Variants in RFFL observed in about 807,000 individuals in gnomAD.
RFFL encodes the protein ring finger and FYVE like domain containing E3 ubiquitin protein ligase.
A neutral mutation model predicts 40.4 loss-of-function variants in RFFL; 16 were observed. The observed-to-expected ratio is 0.40, with a 90% CI of 0.27 to 0.60. The LOEUF (loss-of-function observed/expected upper bound fraction) is 0.60. Among genes scored for constraint, RFFL ranks in the 20% least tolerant of loss-of-function variants. The pLI is 0.47. For missense variants in RFFL, 367 were observed against 451.7 expected (o/e 0.81, Z 1.70); for synonymous variants, 154 against 167.9 (o/e 0.92, Z 0.64).
At chr17:35,040,029 A>G (rs2091153623) in intron 1 of RFFL, among the ~76,000 whole-genome samples, 1 of 152,084 alleles carries the variant, frequency 6.6e-6, no homozygotes, top group South Asian at 2.1e-4. Flanking sequence ...ATCTAGCTTG[A>G]GCCAACCACC....
upstream of RFFL, among the ~76,000 whole-genome samples, chr17:35,067,271 C>A (rs1197583633): frequency 6.6e-6 from 1 of 151,726 alleles, no homozygotes; most frequent in African/African-American, 2.4e-5. Flanking sequence ...GCGTATGCCA[C>A]CATGTCTGGC....
intron 1 of RFFL, among the ~76,000 whole-genome samples, chr17:35,031,194 C>T (rs2091080734): frequency 6.6e-6 from 1 of 151,964 alleles, no homozygotes; most frequent in Non-Finnish European, 1.5e-5. Context: ...GCAACCTCTG[C>T]CTCCCAGGTT....
intron 1 of RFFL, among the ~76,000 whole-genome samples, chr17:35,083,055 G>A (rs1315972528): frequency 2.0e-5 from 3 of 152,056 alleles, no homozygotes; most frequent in Non-Finnish European, 4.4e-5. Flanking sequence ...TATTTGTTAC[G>A]CACCTATTAT....
chr17:35,061,688 CT>C (rs61100671), intron 1 of RFFL, among the ~76,000 whole-genome samples: 64,104 of 139,992 alleles, frequency 0.46, 16,042 homozygotes, highest in African/African-American at 0.71. Context: ...GTCTCAAACT[CT>C]TTTTTTTTTT....
At chr17:35,074,459 T>C (rs1304896688) in intron 1 of RFFL, 1 of 152,022 alleles carries the variant, frequency 6.6e-6, no homozygotes, top group Non-Finnish European at 1.5e-5. Flanking sequence ...AGCCGACATA[T>C]TTGTAAAGAC....
chr17:35,078,401 C>T (rs1006390540), intron 1 of RFFL, among the ~76,000 whole-genome samples: 1 of 152,178 alleles, frequency 6.6e-6, no homozygotes, highest in Non-Finnish European at 1.5e-5. Context: ...CTCCTGGACT[C>T]AAGCAATCCT....
At chr17:35,031,878 G>A (rs755968508) in intron 1 of RFFL, among the ~76,000 whole-genome samples, 4 of 151,856 alleles carry the variant, frequency 2.6e-5, no homozygotes, top group Non-Finnish European at 1.5e-5. Context: ...GGAGGATCAC[G>A]AGGTCAGGAG....
intron 1 of RFFL, among the ~76,000 whole-genome samples, chr17:35,041,907 C>T (rs1476757077): frequency 6.6e-6 from 1 of 152,034 alleles, no homozygotes; most frequent in Non-Finnish European, 1.5e-5. Flanking sequence ...CCCAGCTACT[C>T]AGGAGGCTAA....
chr17:35,030,658 C>T lies in RFFL; in HGVS notation c.-8-4097G>A, dbSNP rs538155688. 7.6e-4 allele frequency among the ~76,000 whole-genome samples: 116 copies of T among 151,872 alleles called. 6 individuals are homozygous for T. In the South Asian group the frequency reaches 0.024, roughly 31 times the overall value. On this transcript the variant is annotated intron_variant, in intron 1 of 6. Transcript: ENST00000394597. ...TCATATTGCCCAGGCTGGTCTCAAA[C>T]TCCTGACCTCAAGTGATCCACCTGC...
intron 1 of RFFL, among the ~76,000 whole-genome samples, chr17:35,038,338 C>G (rs1019991414): frequency 1.3e-5 from 2 of 150,360 alleles, no homozygotes; most frequent in Non-Finnish European, 3.0e-5. Flanking sequence ...TCTAATATTG[C>G]TGGTGGAAGT....
intron 1 of RFFL, among the ~76,000 whole-genome samples, chr17:35,032,384 G>A (rs2091090819): frequency 6.6e-6 from 1 of 151,824 alleles, no homozygotes; most frequent in African/African-American, 2.4e-5. Flanking sequence ...GGGTAAATAT[G>A]GAAATTTTAA....
At chr17:35,080,689 T>C (rs16970637) in intron 1 of RFFL, among the ~76,000 whole-genome samples, 3,827 of 152,224 alleles carry the variant, frequency 0.025, 163 homozygotes, top group African/African-American at 0.086. Context: ...TAACTTCCTG[T>C]AAGTTTCAAG....
Position 35,010,745 on chromosome 17 carries a change from CA to C in RFFL, c.*1222del, listed in dbSNP as rs59246535. The C allele has an allele frequency of 1.2e-3, 160 of 132,302 alleles. No homozygotes were observed. Among genetic ancestry groups the C allele is most frequent in the Non-Finnish European group, 1.3e-3 (79 of 62,376 alleles). The allele number at this position is 132,302 out of a possible 1,614,324, so 8.2% of individuals were successfully genotyped here. On this transcript the variant is annotated 3_prime_UTR_variant, in exon 7 of 7. Coordinates refer to ENST00000394597, the MANE Select transcript of RFFL (RefSeq NM_001017368.2). ...CCAGCCTGGGCAACAGAGTGAGACT[CA>C]AAAAAAAAAAAAAAATGCTTTCTCC...
intron 1 of RFFL, chr17:35,069,452 T>TTGAA (rs1385594806): frequency 1.5e-5 from 6 of 390,556 alleles, no homozygotes; most frequent in Non-Finnish European, 3.1e-5. Flanking sequence ...ACTGCACAGC[T>TTGAA]TGAATGTCCC....
Position 35,016,146 on chromosome 17 carries a change from T to C in RFFL, c.886+224A>G, listed in dbSNP as rs555741610. On this transcript the variant is annotated intron_variant, in intron 5 of 6. Transcript: ENST00000394597. ...AGATAAAGGGGTGATGCTAATAATG[T>C]CTATTTCATAGGTTGCTCTAAGGAA... Among the ~76,000 whole-genome samples, 10 of 152,354 alleles carry C rather than the reference T, an allele frequency of 6.6e-5. No individual in the cohort carries two copies. In the South Asian group the frequency reaches 2.1e-3, roughly 32 times the overall value.
rs1488351354 is a variant in RFFL, at chr17:35,016,583, G to A, written c.676-3C>T. 2 of 1,612,058 alleles carry A rather than the reference G, an allele frequency of 1.2e-6. No individual in the cohort carries two copies. Among genetic ancestry groups the A allele is most frequent in the South Asian group, 1.1e-5 (1 of 91,032 alleles). On this transcript the variant is annotated splice_region_variant and splice_polypyrimidine_tract_variant and intron_variant, in intron 4 of 6. Transcript: ENST00000394597. ...AAGCTGTCCTCTGAGTCAATAGACT[G>A]CAATGACAAAGATGAGATCAGTGTG...
chr17:35,040,026 T>A (rs558218935), intron 1 of RFFL, among the ~76,000 whole-genome samples: 1 of 152,236 alleles, frequency 6.6e-6, no homozygotes, highest in South Asian at 2.1e-4. Context: ...CCAATCTAGC[T>A]TGAGCCAACC....
intron 1 of RFFL, among the ~76,000 whole-genome samples, chr17:35,039,337 A>G (rs1288262194): frequency 6.6e-6 from 1 of 152,128 alleles, no homozygotes; most frequent in Non-Finnish European, 1.5e-5. Context: ...CTCACGCCTC[A>G]GCCTCCCGAG....
At chr17:35,074,231 G>A (rs998856385) in intron 1 of RFFL, 1 of 152,042 alleles carries the variant, frequency 6.6e-6, no homozygotes, top group Admixed American at 6.6e-5. Context: ...AAGACACATT[G>A]TTTTCATTTT....
Sources: gnomAD v4.1 joint callset for allele counts (sites outside exome capture counted in the v4.1 genomes callset) on GRCh38, gnomAD v4.1.1 for gene constraint, MANE v1.5 for transcripts, NCBI Gene and HGNC (gene_info 2026-07-23, HGNC 2026-07-21) for gene names.